Variants in RAB3GAP1 observed in about 807,000 individuals in gnomAD.
The protein encoded by RAB3GAP1 is rab3 GTPase-activating protein catalytic subunit.
In RAB3GAP1, 86 loss-of-function variants were observed where a neutral mutation model predicts 130.7. The ratio of observed to expected loss-of-function variants is 0.66; its 90% CI spans 0.55 to 0.79. The LOEUF is 0.79. Among genes scored for constraint, RAB3GAP1 ranks in the 30% least tolerant of loss-of-function variants. The pLI is 0.00. For synonymous variants in RAB3GAP1, 367 were observed against 401.7 expected, an observed-to-expected ratio of 0.91 and a Z score of 1.03; for missense variants, 1,029 against 1,169.4, an observed-to-expected ratio of 0.88 and a Z score of 1.75.
In RAB3GAP1 at chr2:135,135,596, A is replaced by G; in HGVS notation, c.1587A>G (p.Ala529=). 2.5e-6 allele frequency: 4 copies of G among 1,607,828 alleles called. No homozygotes were observed. The highest frequency in any genetic ancestry group is 3.4e-6 in the Non-Finnish European group (4 of 1,176,062). ...ATTGTTGTATTGAAAGAAAGAAGGCACGTGATGAGGGGAAAAAGACAAGTG... is the reference window on the plus strand; with the variant it reads ...ATTGTTGTATTGAAAGAAAGAAGGCGCGTGATGAGGGGAAAAAGACAAGTG... ...MLNCCIERKK[A]RDEGKKTSAS... is the part of the protein sequence containing the mutation. Residue 529 remains alanine, a synonymous_variant, in exon 17 of 24, where the codon GCA becomes GCG. Transcript: ENST00000264158.
rs988347704 is a variant in RAB3GAP1 at position 135,058,176 on chromosome 2, A to G, written c.150+90A>G. ...TTGCTGCATTTGGCACATTTGAATT[A>G]AATGTTTTTTAAAGTTACGTATAAT... is the stretch of plus-strand genomic sequence containing the variant. On this transcript the variant is annotated intron_variant, in intron 3 of 23. Transcript: ENST00000264158. 1.2e-5 allele frequency: 13 copies of G among 1,127,464 alleles called. No homozygotes were observed. The Admixed American group carries it at 1.3e-4, about 11-fold the overall frequency. 69.8% of individuals were successfully genotyped at this position (1,127,464 alleles called of 1,614,324 possible). A position where few individuals can be genotyped will look rare whatever the true frequency, so the allele number is the denominator to read the frequency against.
At chr2:135,129,174 C>T (rs55807439) in intron 11 of RAB3GAP1, among the ~76,000 whole-genome samples, 14,010 of 149,872 alleles carry the variant, frequency 0.093, 899 homozygotes, top group South Asian at 0.24. Context: ...AATAATGGGC[C>T]GGGCGCGGTG....
intron 23 of RAB3GAP1, chr2:135,165,135 A>G: frequency 2.2e-6 from 1 of 456,472 alleles, no homozygotes; most frequent in Middle Eastern, 3.3e-4. Flanking sequence ...AATGGTGAGG[A>G]GATCTACCTT....
chr2:135,166,423 A>G (rs1573618984), intron 23 of RAB3GAP1, among the ~76,000 whole-genome samples: 1 of 152,252 alleles, frequency 6.6e-6, no homozygotes, highest in African/African-American at 2.4e-5. Context: ...ATCATAACTC[A>G]CTGCAGCCTT....
intron 19 of RAB3GAP1, among the ~76,000 whole-genome samples, chr2:135,160,529 G>T (rs544098995): frequency 2.0e-5 from 3 of 151,672 alleles, no homozygotes; most frequent in Non-Finnish European, 4.4e-5. Flanking sequence ...AAAATTGGCC[G>T]GGCAGTAGTG....
chr2:135,141,772 G>T (rs556590270), intron 17 of RAB3GAP1, among the ~76,000 whole-genome samples: 2 of 152,150 alleles, frequency 1.3e-5, no homozygotes, highest in Non-Finnish European at 2.9e-5. Flanking sequence ...TCTCTATAGG[G>T]AGATTGAATT....
Position 135,065,267 on chromosome 2 carries a change from A to G in RAB3GAP1, c.150+7181A>G, listed in dbSNP as rs193063559. On this transcript the variant is annotated intron_variant, in intron 3 of 23. Transcript: ENST00000264158. ...AGATTAGAGCCCCCTTAGATCAGCA[A>G]TTCTCAGTGTGTGATCTGAGGACCG... 1.6e-4 allele frequency among the ~76,000 whole-genome samples: 25 copies of G among 152,272 alleles called. No homozygotes were observed. The East Asian group carries it at 1.7e-3, about 11-fold the overall frequency.
chr2:135,109,803 C>T (rs146386333), intron 5 of RAB3GAP1, among the ~76,000 whole-genome samples: 1,532 of 152,064 alleles, frequency 0.01, 24 homozygotes, highest in African/African-American at 0.035. Context: ...AGGATGGTCT[C>T]GATCTCCTGA....
intron 3 of RAB3GAP1, among the ~76,000 whole-genome samples, chr2:135,065,844 C>T (rs1250009815): frequency 1.4e-5 from 2 of 148,010 alleles, no homozygotes; most frequent in Admixed American, 1.4e-4. Context: ...GATCTCGGCT[C>T]ACTGCAACCT....
At chr2:135,127,826 A>G (rs1382888538) in intron 11 of RAB3GAP1, among the ~76,000 whole-genome samples, 1 of 152,194 alleles carries the variant, frequency 6.6e-6, no homozygotes, top group Non-Finnish European at 1.5e-5. Flanking sequence ...TGCTATTCAG[A>G]TAATATTATT....
chr2:135,054,703 G>C (rs557232916), intron 2 of RAB3GAP1, among the ~76,000 whole-genome samples: 124 of 152,276 alleles, frequency 8.1e-4, no homozygotes, highest in African/African-American at 2.7e-3. Flanking sequence ...ATGGAAAAAT[G>C]ATCACTTTCC....
chr2:135,052,604 G>C, intron 2 of RAB3GAP1, 119 bp downstream of exon 2: 1 of 1,191,026 alleles, frequency 8.4e-7, no homozygotes, highest in Non-Finnish European at 1.2e-6. Context: ...AATACCGTGG[G>C]TCCCGGGTCT....
rs1691355570 is a variant in RAB3GAP1, at chr2:135,126,605, C to T, written c.922C>T (p.Pro308Ser). The T allele has an allele frequency of 1.2e-6, 2 of 1,613,070 alleles. No homozygotes were observed. The highest frequency in any genetic ancestry group is 1.7e-6 in the Non-Finnish European group (2 of 1,179,140). The change falls in exon 11 of 24, where the codon CCA becomes TCA. Residue 308 changes from proline to serine, a missense_variant. By Grantham distance (74) the Pro-to-Ser change is moderately conservative. This residue lies in a region of RAB3GAP1 where 510 missense variants were observed against 532.1 expected (regional missense o/e 0.96). Coordinates refer to ENST00000264158, the MANE Select transcript of RAB3GAP1 (RefSeq NM_012233.3). The part of the protein sequence containing the change: ...VYSDLDPIQA[P>S]HWSVRVRKAE... The stretch of plus-strand genomic sequence containing the variant: ...TAGTGATTTGGATCCTATTCAAGCT[C>T]CACATTGGTCTGTTAGAGTTCGAAA...
intron 13 of RAB3GAP1, among the ~76,000 whole-genome samples, chr2:135,131,472 C>T (rs1049551204): frequency 6.6e-6 from 1 of 152,206 alleles, no homozygotes; most frequent in Non-Finnish European, 1.5e-5. Context: ...CCTCGTAATC[C>T]GCCCGCCTCG....
chr2:135,147,872 T>C (rs1033961286), intron 17 of RAB3GAP1, among the ~76,000 whole-genome samples: 1 of 152,202 alleles, frequency 6.6e-6, no homozygotes, highest in African/African-American at 2.4e-5. Flanking sequence ...GTTTTCTTGG[T>C]TTGACTGGGT....
At chr2:135,162,459 A>G in intron 19 of RAB3GAP1, 96 bp from the exon 20 acceptor site, 1 of 919,786 alleles carries the variant, frequency 1.1e-6, no homozygotes, top group South Asian at 1.4e-5. Context: ...CTTGTTAAGG[A>G]TTAAGATGAG....
chr2:135,104,292 A>T (rs1282520876), intron 5 of RAB3GAP1, among the ~76,000 whole-genome samples: 2 of 152,238 alleles, frequency 1.3e-5, no homozygotes, highest in Non-Finnish European at 2.9e-5. Flanking sequence ...CAGAAAAGTT[A>T]AACAGAATAT....
chr2:135,129,825 C>G (rs957358973), intron 11 of RAB3GAP1, among the ~76,000 whole-genome samples, 170 bp from the exon 12 acceptor site: 1 of 151,976 alleles, frequency 6.6e-6, no homozygotes, highest in Non-Finnish European at 1.5e-5. Flanking sequence ...AAGAACAAGG[C>G]TACCTTTGAT....
At chr2:135,103,913 C>T (rs938084121) in intron 5 of RAB3GAP1, among the ~76,000 whole-genome samples, 2 of 152,164 alleles carry the variant, frequency 1.3e-5, no homozygotes, top group African/African-American at 4.8e-5. Context: ...GACAGATACC[C>T]TCTCTACACA....
Sources: allele counts gnomAD v4.1 joint callset (sites outside exome capture counted in the v4.1 genomes callset), GRCh38; gene constraint gnomAD v4.1.1; regional missense constraint gnomAD v4.1.1; transcripts MANE v1.5; gene names NCBI Gene and HGNC (gene_info 2026-07-23, HGNC 2026-07-21).